The following TTC17 variants were observed in gnomAD, a reference collection of about 807,000 sequenced individuals.
TTC17 encodes tetratricopeptide repeat domain 17, also known as tetratricopeptide repeat protein 17.
A neutral mutation model predicts 143.8 loss-of-function variants in TTC17; 58 were observed. That is an observed-to-expected ratio of 0.40 (90% CI 0.33 to 0.50). The LOEUF (loss-of-function observed/expected upper bound fraction) is 0.50. Ranked by LOEUF, TTC17 falls within the 20% of genes least tolerant of loss-of-function variation. The probability of loss-of-function intolerance (pLI) is 0.49; values close to 1 mark genes in which losing one functional copy is unlikely to be tolerated. For missense variants in TTC17, 1,273 were observed against 1,392.5 expected (o/e 0.91, Z 1.37); for synonymous variants, 501 against 497.8 (o/e 1.01, Z -0.09).
rs975747957 is a variant in TTC17, at chr11:43,379,409, A to G, written c.249+87A>G. 15 of 1,237,890 alleles carry G rather than the reference A, an allele frequency of 1.2e-5. No individual in the cohort carries two copies. The African/African-American group carries it at 1.2e-4, about 10-fold the overall frequency. 76.7% of individuals were successfully genotyped at this position (1,237,890 alleles called of 1,614,324 possible). A position where few individuals can be genotyped will look rare whatever the true frequency, so the allele number is the denominator to read the frequency against. On this transcript the variant is annotated intron_variant, in intron 2 of 23. Transcript: ENST00000039989. Reference sequence around the variant, plus strand: ...GTTCAAAGAAAAGCTAAAGCATATTATTTTTTAAGTCTGAGTCTTCTGACT... The same window carrying G: ...GTTCAAAGAAAAGCTAAAGCATATTGTTTTTTAAGTCTGAGTCTTCTGACT...
At chr11:43,390,077 C>T (rs891078043) in intron 3 of TTC17, among the ~76,000 whole-genome samples, 39 of 151,980 alleles carry the variant, frequency 2.6e-4, no homozygotes, top group South Asian at 4.1e-4. Context: ...GAGGCCAAGG[C>T]GGGAAGATTG....
At chr11:43,395,018 A>G (rs747119254) in intron 5 of TTC17, among the ~76,000 whole-genome samples, 6 of 152,148 alleles carry the variant, frequency 3.9e-5, no homozygotes, top group Non-Finnish European at 8.8e-5. Context: ...ATATTTCTTT[A>G]AATATATATT....
chr11:43,472,076 G>A (rs1280456680), intron 21 of TTC17, among the ~76,000 whole-genome samples: 3 of 152,150 alleles, frequency 2.0e-5, no homozygotes, highest in Non-Finnish European at 4.4e-5. Context: ...AGATATATCA[G>A]CCAGGCACAG....
chr11:43,423,998 T>C (rs1171722031), intron 16 of TTC17, among the ~76,000 whole-genome samples: 1 of 152,232 alleles, frequency 6.6e-6, no homozygotes, highest in Non-Finnish European at 1.5e-5. Context: ...AGATATAGTT[T>C]CTAAAATATA....
At chr11:43,426,060 A>G (rs771277741) in intron 16 of TTC17, among the ~76,000 whole-genome samples, 1 of 152,252 alleles carries the variant, frequency 6.6e-6, no homozygotes, top group Non-Finnish European at 1.5e-5. Flanking sequence ...AAAGAGCTAG[A>G]GGTCCGTAGC....
At chr11:43,418,658 CT>C (rs1004176930) in intron 16 of TTC17, among the ~76,000 whole-genome samples, 4 of 150,994 alleles carry the variant, frequency 2.6e-5, no homozygotes, top group Non-Finnish European at 4.4e-5. Flanking sequence ...AAAAAACAGC[CT>C]TTTTTTATTG....
At chr11:43,422,538 C>G (rs1305462298) in intron 16 of TTC17, among the ~76,000 whole-genome samples, 1 of 152,044 alleles carries the variant, frequency 6.6e-6, no homozygotes, top group Non-Finnish European at 1.5e-5. Context: ...TTCTAGCCAA[C>G]ATTTAAAGGT....
chr11:43,492,238 A>C (rs1374070819), intron 23 of TTC17, 75 bp downstream of exon 23: 2 of 1,530,420 alleles, frequency 1.3e-6, no homozygotes, highest in Non-Finnish European at 1.8e-6. Context: ...AACCTCTTTG[A>C]ATATGTCATT....
intron 22 of TTC17, chr11:43,491,145 T>C (rs1174018281): frequency 6.6e-6 from 1 of 152,214 alleles, no homozygotes; most frequent in African/African-American, 2.4e-5. Flanking sequence ...GCTTTGTGAA[T>C]TTGGGCACCT....
chr11:43,473,161 C>T (rs1194607196), intron 21 of TTC17, among the ~76,000 whole-genome samples: 8 of 149,786 alleles, frequency 5.3e-5, no homozygotes, highest in Admixed American at 1.3e-4. Flanking sequence ...AGCGACAGGG[C>T]GAGACTCCAT....
intron 21 of TTC17, among the ~76,000 whole-genome samples, chr11:43,481,637 A>T (rs1054153149): frequency 2.0e-5 from 3 of 151,930 alleles, no homozygotes; most frequent in Non-Finnish European, 2.9e-5. Context: ...TGTTTATTTC[A>T]TCTAAATTGT....
chr11:43,444,951 A>G (rs536771784), intron 18 of TTC17, among the ~76,000 whole-genome samples: 114 of 152,298 alleles, frequency 7.5e-4, no homozygotes, highest in African/African-American at 2.7e-3. Flanking sequence ...CAGTTATTCT[A>G]CTTCTAGTAA....
chr11:43,414,474 G>T, intron 15 of TTC17, 116 bp from the exon 16 acceptor site: 1 of 1,008,102 alleles, frequency 9.9e-7, no homozygotes, highest in South Asian at 1.7e-5. Context: ...TGGATAGTTA[G>T]CAATAACGTT....
At chr11:43,465,038 TG>T (rs1188301024) in intron 21 of TTC17, among the ~76,000 whole-genome samples, 1 of 152,174 alleles carries the variant, frequency 6.6e-6, no homozygotes, top group African/African-American at 2.4e-5. Context: ...TTTTGGTGAC[TG>T]TCTGGGGATT....
chr11:43,418,454 A>C (rs1191160406), intron 16 of TTC17, among the ~76,000 whole-genome samples: 1 of 152,172 alleles, frequency 6.6e-6, no homozygotes, highest in Non-Finnish European at 1.5e-5. Context: ...CAGTTTTAAA[A>C]TACCTACTGT....
At position 43,490,247 on chromosome 11, in the gene TTC17, G is replaced by C. The variant is rs375047326; in HGVS notation, c.3039G>C (p.Thr1013=). ...CTAACATTCCTTTGCAGAACCAGAC[G>C]TCCTGGGTCCTCTCCAGCATGGCAG... ...RIAKVLEKNQ[T]SWVLSSMAAL... is the part of the protein sequence containing the mutation. The change falls in exon 22 of 24, where the codon ACG becomes ACC. Residue 1013 remains threonine (T), a synonymous_variant. Transcript: ENST00000039989. 2.5e-6 allele frequency: 4 copies of C among 1,609,966 alleles called. No individual in the cohort carries two copies. In the South Asian group the frequency reaches 4.4e-5, roughly 18 times the overall value.
Position 43,443,472 on chromosome 11 carries a change from G to A in TTC17, c.2399G>A (p.Arg800Gln), listed in dbSNP as rs201185589. ...GFGGALEMKG[R>Q]RLDLQGIRVL... ...GGGGGTGCACTAGAGATGAAAGGGCGGCGTCTAGACTTACAAGGAATACGG... is the reference window on the plus strand; with the variant it reads ...GGGGGTGCACTAGAGATGAAAGGGCAGCGTCTAGACTTACAAGGAATACGG... The change falls in exon 17 of 24, where the codon CGG becomes CAG. Residue 800 changes from arginine to glutamine, a missense_variant. Arg to Gln is a conservative substitution (Grantham distance 43, BLOSUM62 1). Around this residue, in one of 3 missense-constraint regions of TTC17, gnomAD observed 878 missense variants for 899.8 expected, o/e 0.98. Transcript: ENST00000039989. 1.1e-4 allele frequency: 178 copies of A among 1,614,118 alleles called. No individual in the cohort carries two copies. Among genetic ancestry groups the A allele is most frequent in the Middle Eastern group, 6.6e-4 (4 of 6,062 alleles).
chr11:43,444,724 C>T (rs992585365), intron 18 of TTC17, among the ~76,000 whole-genome samples: 3 of 123,330 alleles, frequency 2.4e-5, no homozygotes, highest in African/African-American at 1.1e-4. Context: ...CAAATACATA[C>T]ACACACACAC....
chr11:43,407,831 A>G (rs1289899988), intron 15 of TTC17, among the ~76,000 whole-genome samples: 2 of 152,114 alleles, frequency 1.3e-5, no homozygotes, highest in Non-Finnish European at 2.9e-5. Flanking sequence ...TAAGAATAAC[A>G]TAAGCTGTAA....
Sources: gnomAD v4.1 joint callset for allele counts (sites outside exome capture counted in the v4.1 genomes callset) on GRCh38, gnomAD v4.1.1 for gene constraint, gnomAD v4.1.1 regional missense constraint, MANE v1.5 for transcripts, NCBI Gene and HGNC (gene_info 2026-07-23, HGNC 2026-07-21) for gene names.